MEIS2: variants seen among roughly 807,000 people sequenced by gnomAD.
MEIS2 encodes homeobox protein Meis2.
A neutral mutation model predicts 58.6 loss-of-function variants in MEIS2; 9 were observed. The ratio of observed to expected loss-of-function variants is 0.15; its 90% CI spans 0.09 to 0.27. MEIS2 has a LOEUF of 0.27. Among genes scored for constraint, MEIS2 ranks in the 10% least tolerant of loss-of-function variants. The probability of loss-of-function intolerance (pLI) is 1.00; values close to 1 mark genes in which losing one functional copy is unlikely to be tolerated. For synonymous variants in MEIS2, 221 were observed against 228.4 expected, an observed-to-expected ratio of 0.97 and a Z score of 0.29; for missense variants, 427 against 635.0, an observed-to-expected ratio of 0.67 and a Z score of 3.52.
intron 7 of MEIS2, among the ~76,000 whole-genome samples, chr15:37,056,647 ACT>A (rs1401869283): frequency 6.2e-4 from 95 of 152,170 alleles, no homozygotes; most frequent in African/African-American, 2.1e-3. Context: ...TTGTGTCTCA[ACT>A]CTGTTTGGCT....
At chr15:36,929,512 G>T (rs2057885241) in intron 9 of MEIS2, among the ~76,000 whole-genome samples, 1 of 152,160 alleles carries the variant, frequency 6.6e-6, no homozygotes, top group African/African-American at 2.4e-5. Context: ...TTGGGCCTCT[G>T]CATATAACTA....
In MEIS2 at chr15:36,889,470, TGC is replaced by T. The variant is rs2055781812; in HGVS notation, c.*2701_*2702del. On this transcript the variant is annotated 3_prime_UTR_variant, in exon 12 of 12. Coordinates refer to ENST00000561208, the MANE Select transcript of MEIS2 (RefSeq NM_170675.5). ...TTGGGGGTGGGGGAGAGCAAGGTAA[TGC>T]AAACAAATATTACAATTATCATTCA... 6.6e-6 allele frequency: 1 copy of T among 152,126 alleles called. No individual in the cohort carries two copies. 9.4% of individuals were successfully genotyped at this position (152,126 alleles called of 1,614,324 possible). A position where few individuals can be genotyped will look rare whatever the true frequency, so the allele number is the denominator to read the frequency against.
At chr15:37,035,550 G>A (rs928418014) in intron 8 of MEIS2, among the ~76,000 whole-genome samples, 5 of 152,054 alleles carry the variant, frequency 3.3e-5, no homozygotes, top group African/African-American at 9.7e-5. Context: ...CCTCTGAGCC[G>A]AGTCAGTGCA....
intron 9 of MEIS2, among the ~76,000 whole-genome samples, chr15:36,926,707 C>A (rs1307287758): frequency 6.6e-6 from 1 of 152,174 alleles, no homozygotes; most frequent in African/African-American, 2.4e-5. Context: ...AAGCACAGAT[C>A]AATATTGCTT....
chr15:37,101,182 C>G (rs953969381), upstream of MEIS2: 1 of 152,144 alleles, frequency 6.6e-6, no homozygotes, highest in Non-Finnish European at 1.5e-5. Flanking sequence ...CAGCTTAACT[C>G]AGAGCACACT....
intron 8 of MEIS2, among the ~76,000 whole-genome samples, chr15:37,013,223 G>A (rs2061225755): frequency 6.6e-6 from 1 of 152,084 alleles, no homozygotes; most frequent in South Asian, 2.1e-4. Context: ...AAACGAGAGA[G>A]AAAGGATCTT....
chr15:36,925,238 T>G (rs1279895243), intron 9 of MEIS2, among the ~76,000 whole-genome samples: 1 of 152,238 alleles, frequency 6.6e-6, no homozygotes, highest in Non-Finnish European at 1.5e-5. Context: ...ATTCCAGCCT[T>G]GCTAGGTGCA....
chr15:37,024,007 T>C (rs1330244874), intron 8 of MEIS2, among the ~76,000 whole-genome samples: 2 of 149,566 alleles, frequency 1.3e-5, no homozygotes, highest in Non-Finnish European at 3.0e-5. Flanking sequence ...CCCCCAGGGT[T>C]CAAGCAATTC....
chr15:36,947,609 C>T (rs187489527), intron 9 of MEIS2, among the ~76,000 whole-genome samples: 150 of 151,962 alleles, frequency 9.9e-4, no homozygotes, highest in African/African-American at 3.5e-3. Flanking sequence ...GATTTTTATG[C>T]TTTTTTACTG....
At chr15:37,005,136 A>T (rs935558473) in intron 8 of MEIS2, among the ~76,000 whole-genome samples, 1 of 152,218 alleles carries the variant, frequency 6.6e-6, no homozygotes, top group Non-Finnish European at 1.5e-5. Flanking sequence ...TTTCAACATC[A>T]TGGCTACATG....
At chr15:36,934,917 G>A (rs1319817149) in intron 9 of MEIS2, among the ~76,000 whole-genome samples, 1 of 152,156 alleles carries the variant, frequency 6.6e-6, no homozygotes, top group African/African-American at 2.4e-5. Flanking sequence ...TACCATGTGG[G>A]AATGTTAATA....
chr15:36,970,266 T>A (rs1190683487), intron 8 of MEIS2, among the ~76,000 whole-genome samples: 1 of 151,686 alleles, frequency 6.6e-6, no homozygotes, highest in Admixed American at 6.6e-5. Context: ...TAGCCAGGCG[T>A]GGTGGCGGGC....
chr15:36,938,995 G>A (rs754429486), intron 9 of MEIS2, among the ~76,000 whole-genome samples: 2 of 152,168 alleles, frequency 1.3e-5, no homozygotes, highest in Non-Finnish European at 2.9e-5. Flanking sequence ...ACTGGACCTC[G>A]TGCACTTGCA....
At chr15:36,983,327 T>A (rs2059990208) in intron 8 of MEIS2, among the ~76,000 whole-genome samples, 1 of 152,156 alleles carries the variant, frequency 6.6e-6, no homozygotes, top group Non-Finnish European at 1.5e-5. Context: ...TTTTTGTATA[T>A]GTTATGAGAC....
intron 7 of MEIS2, among the ~76,000 whole-genome samples, chr15:37,048,393 G>A (rs2062767141): frequency 1.3e-5 from 2 of 151,952 alleles, no homozygotes; most frequent in Admixed American, 1.3e-4. Flanking sequence ...AGTTCTATCT[G>A]TAACAGAAAT....
chr15:37,038,824 G>GAC (rs2062282903), intron 7 of MEIS2, among the ~76,000 whole-genome samples: 1 of 152,126 alleles, frequency 6.6e-6, no homozygotes, highest in African/African-American at 2.4e-5. Flanking sequence ...TGGACAAGGA[G>GAC]ACACACACAC....
chr15:36,945,279 T>A (rs952086680), intron 9 of MEIS2, among the ~76,000 whole-genome samples: 1 of 152,042 alleles, frequency 6.6e-6, no homozygotes, highest in Non-Finnish European at 1.5e-5. Flanking sequence ...CAAATCTATC[T>A]GGGCTGATGG....
At chr15:37,037,300 G>A (rs2062196467) in intron 7 of MEIS2, among the ~76,000 whole-genome samples, 2 of 152,156 alleles carry the variant, frequency 1.3e-5, no homozygotes, top group Admixed American at 6.5e-5. Flanking sequence ...CATGCCCAGA[G>A]TGAACACATA....
At chr15:36,960,556 A>G (rs946471630) in intron 8 of MEIS2, among the ~76,000 whole-genome samples, 1 of 152,054 alleles carries the variant, frequency 6.6e-6, no homozygotes, top group Non-Finnish European at 1.5e-5. Context: ...GTTCACCAAG[A>G]CAGAAAACTC....
Sources: allele counts gnomAD v4.1 joint callset (sites outside exome capture counted in the v4.1 genomes callset), GRCh38; gene constraint gnomAD v4.1.1; transcripts MANE v1.5; gene names NCBI Gene and HGNC (gene_info 2026-07-23, HGNC 2026-07-21).